CAPG: variants seen among roughly 807,000 people sequenced by gnomAD.
CAPG encodes the protein capping actin protein, gelsolin like.
In CAPG, 32 loss-of-function variants were observed where a neutral mutation model predicts 44.6. The ratio of observed to expected loss-of-function variants is 0.72; its 90% CI spans 0.54 to 0.96. CAPG has a LOEUF of 0.96. Among genes scored for constraint, CAPG ranks in the 50% least tolerant of loss-of-function variants. The pLI is 0.00. For synonymous variants in CAPG, 175 were observed against 179.6 expected, an observed-to-expected ratio of 0.97 and a Z score of 0.20; for missense variants, 412 against 438.3, an observed-to-expected ratio of 0.94 and a Z score of 0.54.
intron 4 of CAPG, 55 bp from the exon 5 acceptor site, chr2:85,401,384 C>T: frequency 1.3e-6 from 2 of 1,586,286 alleles, no homozygotes. Context: ...GAGCCCTCTG[C>T]ACCCCATCCC....
rs745765681 is a variant in CAPG, at chr2:85,395,678, C to A, written c.893-52G>T. 7.5e-7 allele frequency: 1 copy of A among 1,329,808 alleles called. No individual in the cohort carries two copies. Among genetic ancestry groups the A allele is most frequent in the Non-Finnish European group, 1.1e-6 (1 of 939,592 alleles). 82.4% of individuals were successfully genotyped at this position (1,329,808 alleles called of 1,614,324 possible). On this transcript the variant is annotated intron_variant, in intron 8 of 9. Transcript: ENST00000263867. The surrounding 1 kb of genome is among the most constrained non-coding windows in gnomAD (Gnocchi z 4.3). ...AAAGAGCAGGGACCCTCTTTAGCTG[C>A]CATCCCATTTTTCTTGAGGAAATTT...
At chr2:85,414,966 C>T (rs1687518531), upstream of CAPG, among the ~76,000 whole-genome samples, 1 of 152,202 alleles carries the variant, frequency 6.6e-6, no homozygotes, top group Admixed American at 6.5e-5. Flanking sequence ...CCTTGTGACA[C>T]AGTGGTAAGA....
chr2:85,402,225 A>T, intron 1 of CAPG, 67 bp from the exon 2 acceptor site: 1 of 1,356,722 alleles, frequency 7.4e-7, no homozygotes, highest in Non-Finnish European at 1.0e-6. Context: ...GTGGGGCTGG[A>T]GAGGCCCTTT....
chr2:85,406,055 A>G (rs1687135157), intron 1 of CAPG, among the ~76,000 whole-genome samples: 1 of 152,150 alleles, frequency 6.6e-6, no homozygotes, highest in African/African-American at 2.4e-5. Flanking sequence ...TAATCCTAGC[A>G]CTTTGGGAGG....
chr2:85,399,771 C>T (rs1463238471), intron 5 of CAPG, among the ~76,000 whole-genome samples: 28 of 130,340 alleles, frequency 2.1e-4, no homozygotes, highest in Admixed American at 1.2e-3. Context: ...GATGGAGTTT[C>T]GCTCTTGTTG....
chr2:85,401,924 T>C lies in CAPG; in HGVS notation c.57A>G (p.Pro19=). ...TCTCCACCCGCCACACATGCAGGCC[T>C]GGATCCTGCACTGAGCCTGGGAATG... ...GSPFPGSVQD[P]GLHVWRVEKL... Residue 19 remains proline (P), a synonymous_variant, in exon 3 of 10, where the codon CCA becomes CCG. Coordinates refer to ENST00000263867, the MANE Select transcript of CAPG (RefSeq NM_001747.4). 6.2e-7 allele frequency: 1 copy of C among 1,613,834 alleles called. No individual in the cohort carries two copies. Among genetic ancestry groups the C allele is most frequent in the Non-Finnish European group, 8.5e-7 (1 of 1,179,990 alleles).
At chr2:85,399,395 G>T in intron 5 of CAPG, 110 bp from the exon 6 acceptor site, 2 of 1,207,530 alleles carry the variant, frequency 1.7e-6, no homozygotes, top group Non-Finnish European at 1.2e-6. Flanking sequence ...TGTCCCTGAG[G>T]CAGGACAACC....
rs1053278585 is a variant in CAPG, at chr2:85,401,973, G to C, written c.24-16C>G. 6.2e-7 allele frequency: 1 copy of C among 1,614,032 alleles called. No homozygotes were observed. Among genetic ancestry groups the C allele is most frequent in the African/African-American group, 1.3e-5 (1 of 75,046 alleles). On this transcript the variant is annotated splice_polypyrimidine_tract_variant and intron_variant, in intron 2 of 9. Transcript: ENST00000263867. ...TGGAGAGCCACTGCGAGAAGAGAGA[G>C]GGTTGACAGCAGCCTGGACCCACTT...
At chr2:85,415,914 T>G (rs1346419716) in intron 1 of CAPG, among the ~76,000 whole-genome samples, 1 of 152,110 alleles carries the variant, frequency 6.6e-6, no homozygotes, top group Non-Finnish European at 1.5e-5. Flanking sequence ...TGCAGTGGCA[T>G]GATCATAGCT....
At chr2:85,404,839 G>A (rs1379662775) in intron 1 of CAPG, among the ~76,000 whole-genome samples, 2 of 151,910 alleles carry the variant, frequency 1.3e-5, no homozygotes, top group African/African-American at 4.8e-5. Context: ...AGGAGGCTGA[G>A]GAGTGAGTAT....
Position 85,398,748 on chromosome 2 carries a change from T to C in CAPG, c.701A>G (p.Asn234Ser). The C allele has an allele frequency of 6.2e-7, 1 of 1,607,498 alleles. No homozygotes were observed. The highest frequency in any genetic ancestry group is 2.2e-5 in the East Asian group (1 of 44,774). ...GTCAGCTGTGAGGTCTTCCTCAGGG[T>C]TGCCCTCCTTCAGAGCAGGCTTGGG... The part of the protein sequence containing the change: ...LGPKPALKEG[N>S]PEEDLTADKA... Residue 234 changes from asparagine (N) to serine (S), a missense_variant, in exon 7 of 10, where the codon AAC becomes AGC. Physicochemically the swap from Asn to Ser is conservative, Grantham distance 46. Coordinates refer to ENST00000263867, the MANE Select transcript of CAPG (RefSeq NM_001747.4).
upstream of CAPG, among the ~76,000 whole-genome samples, chr2:85,414,473 C>G (rs546039316): frequency 7.3e-5 from 11 of 149,886 alleles, no homozygotes; most frequent in African/African-American, 2.5e-4. Context: ...TCTGTCGCGG[C>G]ACCTGGAGTG....
At chr2:85,414,245 C>T (rs1217556955), upstream of CAPG, among the ~76,000 whole-genome samples, 2 of 152,172 alleles carry the variant, frequency 1.3e-5, no homozygotes, top group African/African-American at 2.4e-5. Context: ...TCCATTCAAT[C>T]GTTAGGCCCC....
At chr2:85,418,043 A>C (rs1687605529) in intron 1 of CAPG, among the ~76,000 whole-genome samples, 1 of 152,118 alleles carries the variant, frequency 6.6e-6, no homozygotes, top group South Asian at 2.1e-4. Context: ...GTGCCAAATA[A>C]AAATCTGATC....
downstream of CAPG, among the ~76,000 whole-genome samples, chr2:85,392,824 C>T (rs1686434200): frequency 6.6e-6 from 1 of 152,128 alleles, no homozygotes; most frequent in Non-Finnish European, 1.5e-5. Flanking sequence ...TGCAGCTCGG[C>T]CTCCACTTTG....
intron 1 of CAPG, among the ~76,000 whole-genome samples, chr2:85,405,306 T>A (rs1687094947): frequency 6.6e-6 from 1 of 152,142 alleles, no homozygotes; most frequent in Non-Finnish European, 1.5e-5. Flanking sequence ...TAGGTTCCCA[T>A]CACTAGAGGA....
chr2:85,395,087 G>A lies in CAPG; in HGVS notation c.982-129C>T. On this transcript the variant is annotated intron_variant, in intron 9 of 9. Coordinates refer to ENST00000263867, the MANE Select transcript of CAPG (RefSeq NM_001747.4). The surrounding 1 kb of genome is among the most constrained non-coding windows in gnomAD (Gnocchi z 4.3). ...CTGGCCTGAATCCATGTGCAGTCCA[G>A]GCTGGGAAAGCTCCCCTGGATGAGC... 2.9e-6 allele frequency: 2 copies of A among 691,736 alleles called. No individual in the cohort carries two copies. The highest frequency in any genetic ancestry group is 5.2e-6 in the Non-Finnish European group (2 of 382,844). The allele number at this position is 691,736 out of a possible 1,614,324, so 42.8% of individuals were successfully genotyped here. A position where few individuals can be genotyped will look rare whatever the true frequency, so the allele number is the denominator to read the frequency against.
chr2:85,399,077 A>T, intron 6 of CAPG, 59 bp downstream of exon 6: 5 of 1,485,062 alleles, frequency 3.4e-6, no homozygotes, highest in South Asian at 1.2e-5. Context: ...GCTCATCACC[A>T]CCTCTCTTGG....
At chr2:85,403,220 C>G (rs1203566709) in intron 1 of CAPG, among the ~76,000 whole-genome samples, 2 of 152,142 alleles carry the variant, frequency 1.3e-5, no homozygotes, top group Non-Finnish European at 2.9e-5. Context: ...ATTATAAAAA[C>G]TTTATGCCAA....
Sources: allele counts gnomAD v4.1 joint callset (sites outside exome capture counted in the v4.1 genomes callset), GRCh38; gene constraint gnomAD v4.1.1; non-coding constraint Gnocchi (gnomAD v3.1); transcripts MANE v1.5; gene names NCBI Gene and HGNC (gene_info 2026-07-23, HGNC 2026-07-21).